The following PLD5 variants were observed in gnomAD, a reference collection of about 807,000 sequenced individuals.
PLD5 encodes the protein inactive phospholipase D5.
Under a neutral mutation model 61.1 loss-of-function variants are expected in PLD5, and 36 were observed. The ratio of observed to expected loss-of-function variants is 0.59; its 90% CI spans 0.45 to 0.78. The LOEUF is 0.78. Ranked by LOEUF, PLD5 falls within the 30% of genes least tolerant of loss-of-function variation. The pLI is 0.00. For synonymous variants in PLD5, 243 were observed against 242.8 expected, an observed-to-expected ratio of 1.00 and a Z score of -0.01; for missense variants, 515 against 644.4, an observed-to-expected ratio of 0.80 and a Z score of 2.17.
chr1:242,489,083 A>G lies in PLD5; in HGVS notation c.189+35005T>C, dbSNP rs78979896. ...TATGGATCTATTTCAAAAATATGAT[A>G]ATGAGTGAAAGAAGCCAGACACAAA... On this transcript the variant is annotated intron_variant, in intron 1 of 9. Transcript: ENST00000536534. 2.3e-3 allele frequency among the ~76,000 whole-genome samples: 356 copies of G among 152,276 alleles called. 2 individuals are homozygous for G. The highest frequency in any genetic ancestry group is 8.3e-3 in the African/African-American group (343 of 41,564).
chr1:242,182,828 G>C (rs867821176), intron 5 of PLD5, among the ~76,000 whole-genome samples: 5 of 152,146 alleles, frequency 3.3e-5, no homozygotes, highest in African/African-American at 9.7e-5. Context: ...GGGCAACAGA[G>C]TGAGACTCTG....
chr1:242,403,200 T>C (rs1664037976), intron 1 of PLD5, among the ~76,000 whole-genome samples: 2 of 152,202 alleles, frequency 1.3e-5, no homozygotes, highest in Admixed American at 6.5e-5. Context: ...CAGAAGGTCC[T>C]CTGCAGCACA....
intron 2 of PLD5, among the ~76,000 whole-genome samples, chr1:242,313,733 C>T (rs1169353840): frequency 1.3e-5 from 2 of 152,112 alleles, no homozygotes; most frequent in Non-Finnish European, 2.9e-5. Flanking sequence ...TTACTTTTTG[C>T]CTATCTTCCA....
At chr1:242,370,634 A>T (rs937691999) in intron 1 of PLD5, among the ~76,000 whole-genome samples, 1 of 152,046 alleles carries the variant, frequency 6.6e-6, no homozygotes, top group Non-Finnish European at 1.5e-5. Flanking sequence ...AGAATTAGGG[A>T]TTCCCTCTGT....
At chr1:242,313,001 C>T (rs1389625312) in intron 2 of PLD5, among the ~76,000 whole-genome samples, 5 of 152,194 alleles carry the variant, frequency 3.3e-5, no homozygotes, top group Non-Finnish European at 7.3e-5. Context: ...ATGTCCTCAT[C>T]ACATATCTTC....
intron 1 of PLD5, among the ~76,000 whole-genome samples, chr1:242,400,209 C>G (rs1157040726): frequency 3.3e-5 from 5 of 151,676 alleles, no homozygotes; most frequent in Non-Finnish European, 7.4e-5. Context: ...AAGAATCTAA[C>G]TGATCTGAAG....
chr1:242,163,230 G>A lies in PLD5; in HGVS notation c.736-38565C>T, dbSNP rs867929676. On this transcript the variant is annotated intron_variant, in intron 5 of 9. Transcript: ENST00000536534. ...GCGATCTCGGCTCACTGCAAGCTCCGCCTCCCGGGTTCATGCCATTCTCCT... is the reference window on the plus strand; with the variant it reads ...GCGATCTCGGCTCACTGCAAGCTCCACCTCCCGGGTTCATGCCATTCTCCT... Among the ~76,000 whole-genome samples the A allele has an allele frequency of 7.3e-4, 108 of 147,906 alleles. 1 individual carries two copies. The highest frequency in any genetic ancestry group is 3.5e-3 in the Middle Eastern group (1 of 288).
intron 4 of PLD5, among the ~76,000 whole-genome samples, chr1:242,249,746 T>C (rs1237654847): frequency 6.6e-6 from 1 of 152,208 alleles, no homozygotes; most frequent in East Asian, 1.9e-4. Flanking sequence ...ACATTCAAAA[T>C]GTTCTTATTT....
chr1:242,330,957 C>T (rs1422790998), intron 2 of PLD5, among the ~76,000 whole-genome samples: 1 of 152,142 alleles, frequency 6.6e-6, no homozygotes, highest in African/African-American at 2.4e-5. Context: ...GCTTCTCCTC[C>T]CCTGGTCCAG....
rs1464048872 is a variant in PLD5 at position 242,460,547 on chromosome 1, G to A, written c.189+63541C>T. On this transcript the variant is annotated intron_variant, in intron 1 of 9. Transcript: ENST00000536534. ...CTTGATTTGAGAATGAAAGGAGGAAGGAAGAAGATAATAAAGACATCATAC... is the reference window on the plus strand; with the variant it reads ...CTTGATTTGAGAATGAAAGGAGGAAAGAAGAAGATAATAAAGACATCATAC... 2.0e-5 allele frequency among the ~76,000 whole-genome samples: 3 copies of A among 152,088 alleles called. No homozygotes were observed. The East Asian group carries it at 5.8e-4, about 29-fold the overall frequency.
In PLD5 at chr1:242,105,380, C is replaced by T. The variant is rs575842840; in HGVS notation, c.1239+2291G>A. ...CTAGGATTACAGGTGTGCACCACCA[C>T]GCCCAGCTAATTTTTGTATTTTTAC... is the stretch of plus-strand genomic sequence containing the variant. On this transcript the variant is annotated intron_variant, in intron 8 of 9. Coordinates refer to ENST00000536534, the MANE Select transcript of PLD5 (RefSeq NM_001372062.1). 5.9e-5 allele frequency among the ~76,000 whole-genome samples: 9 copies of T among 151,816 alleles called. 1 individual carries two copies. Among genetic ancestry groups the T allele is most frequent in the South Asian group, 4.2e-4 (2 of 4,780 alleles).
intron 2 of PLD5, among the ~76,000 whole-genome samples, chr1:242,340,443 A>G (rs1390018079): frequency 4.6e-5 from 7 of 152,090 alleles, no homozygotes; most frequent in African/African-American, 1.7e-4. Context: ...ATAGTTTAAG[A>G]AAAGGGTGAA....
intron 5 of PLD5, among the ~76,000 whole-genome samples, chr1:242,151,833 T>C (rs150008031): frequency 6.6e-4 from 100 of 152,216 alleles, no homozygotes; most frequent in African/African-American, 2.2e-3. Flanking sequence ...TTTTTTCTTT[T>C]TCTTTTCAAA....
chr1:242,400,764 A>G (rs990101910), intron 1 of PLD5, among the ~76,000 whole-genome samples: 1 of 152,090 alleles, frequency 6.6e-6, no homozygotes, highest in Non-Finnish European at 1.5e-5. Context: ...TGCCAATTAT[A>G]TGCCCATGTG....
intron 5 of PLD5, among the ~76,000 whole-genome samples, chr1:242,215,939 C>T (rs1438419304): frequency 6.6e-6 from 1 of 152,194 alleles, no homozygotes. Context: ...CTAAATCTGC[C>T]TTTTTTCAGA....
At chr1:242,247,432 G>C (rs1672455519) in intron 4 of PLD5, among the ~76,000 whole-genome samples, 1 of 152,172 alleles carries the variant, frequency 6.6e-6, no homozygotes, top group Non-Finnish European at 1.5e-5. Flanking sequence ...ATTATACTGG[G>C]TCATTACAAA....
At chr1:242,477,172 C>A (rs1243338722) in intron 1 of PLD5, among the ~76,000 whole-genome samples, 1 of 151,972 alleles carries the variant, frequency 6.6e-6, no homozygotes, top group East Asian at 1.9e-4. Context: ...ATTGCTTGAA[C>A]CTGGGAGGTA....
chr1:242,390,536 C>A (rs1432781322), intron 1 of PLD5, among the ~76,000 whole-genome samples: 1 of 152,046 alleles, frequency 6.6e-6, no homozygotes, highest in Non-Finnish European at 1.5e-5. Flanking sequence ...TTCTTTGATG[C>A]CGAAGTCAAA....
In PLD5 at chr1:242,460,947, C is replaced by G. The variant is rs2810039; in HGVS notation, c.189+63141G>C. On this transcript the variant is annotated intron_variant, in intron 1 of 9. Transcript: ENST00000536534. The stretch of plus-strand genomic sequence containing the variant: ...CTGAGGTCAGGAGTTCCAGACCAGC[C>G]TGGGCAAGGTGGTGAAACCCCATCT... Among the ~76,000 whole-genome samples, 223 of 152,082 alleles carry G rather than the reference C, an allele frequency of 1.5e-3. 1 individual carries two copies. Among genetic ancestry groups the G allele is most frequent in the African/African-American group, 5.1e-3 (211 of 41,464 alleles).
Sources: gnomAD v4.1 joint callset for allele counts (sites outside exome capture counted in the v4.1 genomes callset) on GRCh38, gnomAD v4.1.1 for gene constraint, MANE v1.5 for transcripts, NCBI Gene and HGNC (gene_info 2026-07-23, HGNC 2026-07-21) for gene names.